Variants in BCAR3 observed in about 807,000 individuals in gnomAD.
BCAR3 encodes BCAR3 adaptor protein, NSP family member.
BCAR3 carries 37 observed loss-of-function variants against 80.1 expected under a neutral mutation model. The observed-to-expected ratio is 0.46, with a 90% CI of 0.36 to 0.61. The LOEUF (loss-of-function observed/expected upper bound fraction) is 0.61, where lower values mean the gene tolerates loss of function less well. Ranked by LOEUF, BCAR3 falls within the 20% of genes least tolerant of loss-of-function variation. The probability of loss-of-function intolerance (pLI) is 0.00; values close to 1 mark genes in which losing one functional copy is unlikely to be tolerated. For synonymous variants in BCAR3, 389 were observed against 418.9 expected (o/e 0.93, Z 0.87); for missense variants, 978 against 1,068.2 (o/e 0.92, Z 1.18).
intron 2 of BCAR3, among the ~76,000 whole-genome samples, chr1:93,722,268 T>C (rs1217144835): frequency 2.0e-5 from 3 of 152,268 alleles, no homozygotes; most frequent in African/African-American, 7.2e-5. Flanking sequence ...CCTGCCTTTC[T>C]GTTTTTGGCT....
In BCAR3 at chr1:93,704,185, A is replaced by C. The variant is rs1183038981; in HGVS notation, c.-12+1907T>G. Among the ~76,000 whole-genome samples the C allele has an allele frequency of 2.6e-5, 4 of 152,196 alleles. No homozygotes were observed. The East Asian group carries it at 7.7e-4, about 29-fold the overall frequency. ...TGCCTTCATTTGGAATCTGAAAATG[A>C]GAAGAAACCAGCAGCTCACAGGCCT... On this transcript the variant is annotated intron_variant, in intron 3 of 13. Coordinates refer to the BCAR3 transcript ENST00000370244.
intron 2 of BCAR3, among the ~76,000 whole-genome samples, chr1:93,782,465 CTG>C (rs1652796247): frequency 2.6e-5 from 4 of 152,190 alleles, no homozygotes; most frequent in Admixed American, 6.5e-5. Context: ...AAGTGGGGCA[CTG>C]TGGTTCCAGA....
intron 7 of BCAR3, among the ~76,000 whole-genome samples, chr1:93,576,809 G>A (rs767363480): frequency 3.3e-5 from 5 of 152,190 alleles, no homozygotes; most frequent in Non-Finnish European, 7.3e-5. Flanking sequence ...TCAGGTATTA[G>A]TTATTACAAT....
chr1:93,563,422 T>G (rs1557831155), intron 11 of BCAR3, among the ~76,000 whole-genome samples: 2 of 152,246 alleles, frequency 1.3e-5, no homozygotes, highest in African/African-American at 2.4e-5. Context: ...CATGCCATTG[T>G]TTTTGTTTAT....
chr1:93,656,610 C>CTTTT (rs34484122), intron 2 of BCAR3, among the ~76,000 whole-genome samples: 1 of 138,200 alleles, frequency 7.2e-6, no homozygotes, highest in African/African-American at 2.7e-5. Flanking sequence ...TATCTGAAGT[C>CTTTT]TTTTTTTTTT....
At position 93,613,123 on chromosome 1, in the gene BCAR3, G is replaced by A. The variant is rs116287249; in HGVS notation, c.358-20730C>T. ...AATTTCCCAGGAATAAACGAGGTCC[G>A]CAGTCAGGCTGGGGCCGACAGGCTT... On this transcript the variant is annotated intron_variant, in intron 3 of 11. Coordinates refer to ENST00000260502, the MANE Select transcript of BCAR3 (RefSeq NM_003567.4). 2.0e-3 allele frequency among the ~76,000 whole-genome samples: 299 copies of A among 152,276 alleles called. 1 individual carries two copies. The highest frequency in any genetic ancestry group is 6.9e-3 in the African/African-American group (287 of 41,548).
intron 3 of BCAR3, among the ~76,000 whole-genome samples, chr1:93,601,886 CGGA>C (rs199675545): frequency 0.01 from 1,573 of 152,214 alleles, 25 homozygotes; most frequent in African/African-American, 0.036. Flanking sequence ...CTCCAACACC[CGGA>C]ATGCTATCAG....
chr1:93,680,401 G>A lies in BCAR3; in HGVS notation c.-12+1197C>T, dbSNP rs933370350. Among the ~76,000 whole-genome samples the A allele has an allele frequency of 7.9e-5, 12 of 152,110 alleles. 1 individual carries two copies. Among genetic ancestry groups the A allele is most frequent in the African/African-American group, 2.9e-4 (12 of 41,420 alleles). ...ATCCTCAATACCCCCTGGCACGCCC[G>A]CAGACAAGCGCTTTGCCTGTGGGCT... On this transcript the variant is annotated intron_variant, in intron 1 of 11. Coordinates refer to ENST00000260502, the MANE Select transcript of BCAR3 (RefSeq NM_003567.4).
rs1043525055 is a variant in BCAR3 at position 93,681,622 on chromosome 1, G to A, written c.-36C>T. 2.2e-4 allele frequency: 33 copies of A among 151,784 alleles called. No homozygotes were observed. The highest frequency in any genetic ancestry group is 1.9e-3 in the Admixed American group (29 of 15,272). The allele number at this position is 151,784 out of a possible 1,614,324, so 9.4% of individuals were successfully genotyped here. The stretch of plus-strand genomic sequence containing the variant: ...CCTCCCGGCGCGGCGCTGGGCGCTC[G>A]GGCTCTCAGGATCTCTGGACCTCCG... On this transcript the variant is annotated 5_prime_UTR_variant, in exon 1 of 12. Transcript: ENST00000260502.
intron 3 of BCAR3, among the ~76,000 whole-genome samples, chr1:93,633,341 C>T (rs1036855968): frequency 3.3e-5 from 5 of 152,198 alleles, no homozygotes; most frequent in South Asian, 4.1e-4. Context: ...TTAATTCTAT[C>T]TCTAAAAGCC....
chr1:93,779,906 C>T (rs1652709826), intron 2 of BCAR3, among the ~76,000 whole-genome samples: 1 of 152,132 alleles, frequency 6.6e-6, no homozygotes, highest in East Asian at 1.9e-4. Flanking sequence ...CAATTTGGGA[C>T]CAGCTAATCC....
At chr1:93,662,525 T>C (rs1210597230) in intron 2 of BCAR3, among the ~76,000 whole-genome samples, 1 of 152,200 alleles carries the variant, frequency 6.6e-6, no homozygotes, top group African/African-American at 2.4e-5. Context: ...AGATTTGTCA[T>C]TCATGTATGT....
At chr1:93,621,023 G>A (rs562728854) in intron 3 of BCAR3, among the ~76,000 whole-genome samples, 2 of 152,340 alleles carry the variant, frequency 1.3e-5, no homozygotes, top group East Asian at 3.9e-4. Flanking sequence ...GAACCTGCCT[G>A]CAAGGGATCA....
chr1:93,749,556 A>C (rs980853719), intron 2 of BCAR3, among the ~76,000 whole-genome samples: 1 of 149,592 alleles, frequency 6.7e-6, no homozygotes, highest in Non-Finnish European at 1.5e-5. Context: ...ACCACTGCAC[A>C]CCAGCCTGGG....
At chr1:93,670,557 C>T (rs1398242956) in intron 2 of BCAR3, among the ~76,000 whole-genome samples, 1 of 152,174 alleles carries the variant, frequency 6.6e-6, no homozygotes, top group African/African-American at 2.4e-5. Context: ...GGGGAAGGCC[C>T]TATAATACTT....
intron 2 of BCAR3, among the ~76,000 whole-genome samples, chr1:93,786,258 T>C (rs57708386): frequency 0.14 from 18,785 of 136,420 alleles, 2,162 homozygotes; most frequent in African/African-American, 0.29. Context: ...GGAATGCTCA[T>C]ACCTGTAACC....
At chr1:93,571,580 G>A (rs768144759) in intron 9 of BCAR3, 90 bp downstream of exon 9, 1 of 1,497,198 alleles carries the variant, frequency 6.7e-7, no homozygotes, top group South Asian at 1.2e-5. Flanking sequence ...ATTTACTTTT[G>A]AGATTGACTA....
intron 2 of BCAR3, among the ~76,000 whole-genome samples, chr1:93,808,041 T>TA (rs1653713581): frequency 3.4e-5 from 5 of 146,362 alleles, no homozygotes; most frequent in Admixed American, 2.7e-4. Flanking sequence ...CTTTTTTTTT[T>TA]TAAAAAAAAA....
chr1:93,786,822 G>A (rs190262105), intron 2 of BCAR3, among the ~76,000 whole-genome samples: 37 of 152,348 alleles, frequency 2.4e-4, no homozygotes, highest in Admixed American at 9.8e-4. Context: ...GCTGAGGAAG[G>A]AGTGGTAACC....
Sources: gnomAD v4.1 joint callset for allele counts (sites outside exome capture counted in the v4.1 genomes callset) on GRCh38, gnomAD v4.1.1 for gene constraint, MANE v1.5 for transcripts, NCBI Gene and HGNC (gene_info 2026-07-23, HGNC 2026-07-21) for gene names.